The following PALMD variants were observed in gnomAD, a reference collection of about 807,000 sequenced individuals.
PALMD encodes the protein palmdelphin.
A neutral mutation model predicts 56.2 loss-of-function variants in PALMD; 42 were observed. The observed-to-expected ratio is 0.75, with a 90% confidence interval of 0.58 to 0.97. The LOEUF (loss-of-function observed/expected upper bound fraction) is 0.97. Ranked by LOEUF, PALMD falls within the 50% of genes least tolerant of loss-of-function variation. PALMD has a pLI of 0.00. For synonymous variants in PALMD, 242 were observed against 222.9 expected, an observed-to-expected ratio of 1.09 and a Z score of -0.76; for missense variants, 660 against 643.8, an observed-to-expected ratio of 1.03 and a Z score of -0.27.
rs1361927564 is a variant in PALMD at position 99,689,118 on chromosome 1, G to A, written c.858G>A (p.Arg286=). Residue 286 remains arginine (R), a synonymous_variant, in exon 7 of 8, where the codon AGG becomes AGA. Coordinates refer to ENST00000263174, the MANE Select transcript of PALMD (RefSeq NM_017734.5). ...TVTPGPNFQE[R]IKIKTNGLGI... ...CCCCTGGACCAAACTTTCAAGAAAG[G>A]ATAAAGATTAAAACTAATGGACTGG... The A allele has an allele frequency of 6.2e-7, 1 of 1,613,492 alleles. No homozygotes were observed. Among genetic ancestry groups the A allele is most frequent in the African/African-American group, 1.3e-5 (1 of 74,932 alleles).
intron 1 of PALMD, among the ~76,000 whole-genome samples, chr1:99,661,973 T>C (rs1453723469): frequency 6.6e-6 from 1 of 152,194 alleles, no homozygotes; most frequent in Non-Finnish European, 1.5e-5. Flanking sequence ...CTCACGATGT[T>C]TCCTCACACC....
intron 3 of PALMD, among the ~76,000 whole-genome samples, chr1:99,677,735 G>A (rs879118281): frequency 4.0e-5 from 6 of 151,778 alleles, no homozygotes; most frequent in Non-Finnish European, 5.9e-5. Flanking sequence ...CCAGGAAGTC[G>A]TATAAAACTC....
chr1:99,687,047 T>A, intron 5 of PALMD, 29 bp from the exon 6 acceptor site: 1 of 1,536,010 alleles, frequency 6.5e-7, no homozygotes, highest in East Asian at 2.3e-5. Flanking sequence ...ATATTCTAAA[T>A]GTATTTTGAA....
At position 99,689,772 on chromosome 1, in the gene PALMD, A is replaced by C. The variant is rs1382062001; in HGVS notation, c.1512A>C (p.Ile504=). ...ATAAATCCCCCCACAAAAATTCCAT[A>C]TCTCTGAAAGAGCAAGAAGAAAGCT... The part of the protein sequence containing the change: ...TNHKSPHKNS[I]SLKEQEESLG... The change falls in exon 7 of 8, where the codon ATA becomes ATC. Residue 504 remains isoleucine (I), a synonymous_variant. Transcript: ENST00000263174. 5 of 1,613,920 alleles carry C rather than the reference A, an allele frequency of 3.1e-6. No homozygotes were observed. The East Asian group carries it at 8.9e-5, about 29-fold the overall frequency.
intron 3 of PALMD, chr1:99,684,301 C>T (rs1325328579): frequency 6.6e-6 from 1 of 152,058 alleles, no homozygotes; most frequent in Non-Finnish European, 1.5e-5. Context: ...AAACAGAAAG[C>T]ATATGTGGAC....
intron 7 of PALMD, among the ~76,000 whole-genome samples, chr1:99,693,568 A>G (rs1653711304): frequency 6.6e-6 from 1 of 152,184 alleles, no homozygotes; most frequent in Non-Finnish European, 1.5e-5. Flanking sequence ...TTGTATATCC[A>G]AAGGCCAGAG....
intron 3 of PALMD, among the ~76,000 whole-genome samples, chr1:99,680,851 C>CATAT (rs141553969): frequency 1.7e-4 from 26 of 150,428 alleles, no homozygotes; most frequent in South Asian, 1.3e-3. Context: ...TATATATATG[C>CATAT]ATATATATAT....
At chr1:99,670,250 C>T (rs1371222490) in intron 3 of PALMD, among the ~76,000 whole-genome samples, 1 of 152,164 alleles carries the variant, frequency 6.6e-6, no homozygotes, top group African/African-American at 2.4e-5. Context: ...CTTCATGATG[C>T]TAAATCCATC....
At chr1:99,683,642 AGCACAATT>A (rs1653421464) in intron 3 of PALMD, 1 of 152,204 alleles carries the variant, frequency 6.6e-6, no homozygotes, top group Non-Finnish European at 1.5e-5. Flanking sequence ...CTAGATTTTT[AGCACAATT>A]GACCTCCATG....
At chr1:99,667,041 C>A (rs961245454) in intron 2 of PALMD, among the ~76,000 whole-genome samples, 9 of 152,138 alleles carry the variant, frequency 5.9e-5, no homozygotes, top group Non-Finnish European at 1.2e-4. Flanking sequence ...AGAAGGGGAG[C>A]TAAGTAGGCA....
chr1:99,656,218 T>C (rs947226399), intron 1 of PALMD, among the ~76,000 whole-genome samples: 4 of 152,234 alleles, frequency 2.6e-5, no homozygotes, highest in Non-Finnish European at 5.9e-5. Context: ...CCATGCCTTA[T>C]AATCTATCTT....
intron 3 of PALMD, among the ~76,000 whole-genome samples, chr1:99,670,839 C>T (rs1653067902): frequency 6.6e-6 from 1 of 152,106 alleles, no homozygotes; most frequent in Admixed American, 6.6e-5. Context: ...GCCAAAGCAG[C>T]TTTACCTGAT....
intron 2 of PALMD, among the ~76,000 whole-genome samples, chr1:99,663,544 C>T (rs547442850): frequency 6.6e-6 from 1 of 151,712 alleles, no homozygotes; most frequent in East Asian, 1.9e-4. Flanking sequence ...AGGTCATTTG[C>T]TCTCCTTTCC....
At chr1:99,663,157 A>G (rs965738103) in intron 2 of PALMD, among the ~76,000 whole-genome samples, 1 of 152,190 alleles carries the variant, frequency 6.6e-6, no homozygotes, top group Non-Finnish European at 1.5e-5. Flanking sequence ...GGGGTCTACA[A>G]ATTTAAGTTA....
chr1:99,656,063 A>G (rs1262115026), intron 1 of PALMD, among the ~76,000 whole-genome samples: 1 of 152,102 alleles, frequency 6.6e-6, no homozygotes, highest in Non-Finnish European at 1.5e-5. Context: ...TCACCATCTT[A>G]TCTTTATTCT....
intron 3 of PALMD, among the ~76,000 whole-genome samples, chr1:99,681,446 A>G (rs1162238442): frequency 1.3e-5 from 2 of 152,216 alleles, no homozygotes; most frequent in East Asian, 3.8e-4. Flanking sequence ...GCTTTAAATC[A>G]GGGCCGAATA....
intron 3 of PALMD, chr1:99,668,409 A>T (rs1428509776): frequency 6.6e-6 from 1 of 152,272 alleles, no homozygotes; most frequent in Non-Finnish European, 1.5e-5. Context: ...ACTTTTAAAA[A>T]ATACATGCAC....
At position 99,683,165 on chromosome 1, in the gene PALMD, A is replaced by G. The variant is rs371886179; in HGVS notation, c.252-3511A>G. 3.7e-4 allele frequency: 47 copies of G among 128,550 alleles called. 2 individuals are homozygous for G. Among genetic ancestry groups the G allele is most frequent in the Non-Finnish European group, 4.7e-4 (29 of 61,774 alleles). 8.0% of individuals were successfully genotyped at this position (128,550 alleles called of 1,614,324 possible). A position where few individuals can be genotyped will look rare whatever the true frequency, so the allele number is the denominator to read the frequency against. ...AAGAAAGAAAGAAAGAAAGAAAGAA[A>G]GAAACGAACACCCTATGAAGTTGTT... On this transcript the variant is annotated intron_variant, in intron 3 of 7. Transcript: ENST00000263174.
rs1653598327 is a variant in PALMD at position 99,689,218 on chromosome 1, A to G, written c.958A>G (p.Ile320Val). Reference sequence around the variant, plus strand: ...GGAAAGGGGAAACAACTTCAATCACATCAGTCCCATTCCGCCAGTGCCTCA... The same window carrying G: ...GGAAAGGGGAAACAACTTCAATCACGTCAGTCCCATTCCGCCAGTGCCTCA... Reference protein sequence around the residue: ...SEERGNNFNHISPIPPVPHPR... With the variant: ...SEERGNNFNHVSPIPPVPHPR... Residue 320 changes from isoleucine (I) to valine (V), a missense_variant, in exon 7 of 8, where the codon ATC (isoleucine) becomes GTC (valine). Coordinates refer to ENST00000263174, the MANE Select transcript of PALMD (RefSeq NM_017734.5). The G allele has an allele frequency of 6.2e-7, 1 of 1,613,694 alleles. No homozygotes were observed. The highest frequency in any genetic ancestry group is 1.1e-5 in the South Asian group (1 of 91,064).
Sources: allele counts gnomAD v4.1 joint callset (sites outside exome capture counted in the v4.1 genomes callset), GRCh38; gene constraint gnomAD v4.1.1; transcripts MANE v1.5; gene names NCBI Gene and HGNC (gene_info 2026-07-23, HGNC 2026-07-21).